Variants in MKLN1 observed in about 807,000 individuals in gnomAD.
MKLN1 encodes the protein muskelin 1, also known as muskelin.
Under a neutral mutation model 99.0 loss-of-function variants are expected in MKLN1, and 18 were observed. The observed-to-expected ratio is 0.18, with a 90% CI of 0.13 to 0.27. MKLN1 has a LOEUF of 0.27. MKLN1 is among the 10% of genes least tolerant of loss of function. The probability of loss-of-function intolerance (pLI) is 1.00; values close to 1 mark genes in which losing one functional copy is unlikely to be tolerated. For missense variants in MKLN1, 621 were observed against 875.9 expected, an observed-to-expected ratio of 0.71 and a Z score of 3.67; for synonymous variants, 288 against 293.2, an observed-to-expected ratio of 0.98 and a Z score of 0.18.
At chr7:131,473,907 A>G (rs1041833621) in intron 16 of MKLN1, among the ~76,000 whole-genome samples, 13 of 152,172 alleles carry the variant, frequency 8.5e-5, no homozygotes, top group African/African-American at 3.1e-4. Context: ...CCCGCACTTC[A>G]GGAGGCTGAG....
chr7:131,403,013 A>G (rs1277989925), intron 6 of MKLN1, among the ~76,000 whole-genome samples: 3 of 152,108 alleles, frequency 2.0e-5, no homozygotes, highest in Admixed American at 6.6e-5. Flanking sequence ...CTATCCTTTA[A>G]AGCTTTGAAG....
chr7:131,464,468 A>G (rs1412128502), intron 14 of MKLN1, 60 bp downstream of exon 14: 4 of 927,524 alleles, frequency 4.3e-6, no homozygotes, highest in Non-Finnish European at 6.8e-6. Context: ...ACAATCCCCA[A>G]ATATATCTTT....
At chr7:131,355,567 T>TTATATCTTC (rs1799847628) in intron 1 of MKLN1, among the ~76,000 whole-genome samples, 1 of 151,284 alleles carries the variant, frequency 6.6e-6, no homozygotes, top group Admixed American at 6.6e-5. Context: ...TTCTCTTGCA[T>TTATATCTTC]TATATCTTCT....
intron 3 of MKLN1, among the ~76,000 whole-genome samples, chr7:131,315,039 C>T (rs1402783943): frequency 6.6e-6 from 1 of 152,242 alleles, no homozygotes; most frequent in East Asian, 1.9e-4. Flanking sequence ...GCTGGGATTA[C>T]AGACATCAGC....
At chr7:131,210,057 A>G (rs1051920528) in intron 3 of MKLN1, among the ~76,000 whole-genome samples, 9 of 152,256 alleles carry the variant, frequency 5.9e-5, no homozygotes, top group African/African-American at 1.9e-4. Flanking sequence ...ATTTGTTTAA[A>G]TCTTGTTGTT....
intron 16 of MKLN1, 53 bp from the exon 17 acceptor site, chr7:131,478,570 C>T (rs1392184521): frequency 1.4e-6 from 2 of 1,468,056 alleles, no homozygotes; most frequent in East Asian, 2.4e-5. Context: ...TCCTTCAGTG[C>T]ACTTAGCCAG....
chr7:131,193,896 G>A (rs1366480262), intron 2 of MKLN1, among the ~76,000 whole-genome samples: 2 of 151,594 alleles, frequency 1.3e-5, no homozygotes, highest in South Asian at 2.1e-4. Context: ...CCAAAATGCC[G>A]GGATTATAAG....
At chr7:131,477,017 A>G (rs1156934124) in intron 16 of MKLN1, among the ~76,000 whole-genome samples, 3 of 152,212 alleles carry the variant, frequency 2.0e-5, no homozygotes, top group Non-Finnish European at 2.9e-5. Flanking sequence ...GAATAACTGG[A>G]TATCTCAAAC....
At chr7:131,204,658 C>T (rs922470029) in intron 3 of MKLN1, among the ~76,000 whole-genome samples, 80 of 149,088 alleles carry the variant, frequency 5.4e-4, no homozygotes, top group African/African-American at 1.6e-3. Context: ...GGTGGAACCC[C>T]GTCTCTATTA....
At chr7:131,144,940 G>C (rs547890102) in intron 2 of MKLN1, among the ~76,000 whole-genome samples, 6 of 152,210 alleles carry the variant, frequency 3.9e-5, no homozygotes, top group African/African-American at 1.4e-4. Flanking sequence ...TTGCACCATT[G>C]CACTCCAGCC....
At chr7:131,148,894 G>A (rs772203856) in intron 2 of MKLN1, among the ~76,000 whole-genome samples, 64 of 152,184 alleles carry the variant, frequency 4.2e-4, no homozygotes, top group Admixed American at 3.0e-3. Flanking sequence ...GAATGAAGGA[G>A]TTTCCTTCTT....
intron 8 of MKLN1, among the ~76,000 whole-genome samples, chr7:131,422,758 GC>G (rs1472089209): frequency 9.3e-5 from 14 of 150,100 alleles, no homozygotes; most frequent in Admixed American, 2.0e-4. Context: ...TTCCCATATT[GC>G]TGTCTTCTCT....
At chr7:131,418,446 G>A (rs1233758037) in intron 8 of MKLN1, among the ~76,000 whole-genome samples, 1 of 149,562 alleles carries the variant, frequency 6.7e-6, no homozygotes, top group Non-Finnish European at 1.5e-5. Flanking sequence ...CACATTGGAA[G>A]AAGAATTGTC....
intron 3 of MKLN1, among the ~76,000 whole-genome samples, chr7:131,269,103 C>T (rs1797849304): frequency 6.6e-6 from 1 of 152,208 alleles, no homozygotes; most frequent in South Asian, 2.1e-4. Context: ...TCTGGCAAGT[C>T]ATCTGCCCAA....
chr7:131,477,168 A>G (rs1796990126), intron 16 of MKLN1, among the ~76,000 whole-genome samples: 1 of 152,224 alleles, frequency 6.6e-6, no homozygotes, highest in African/African-American at 2.4e-5. Context: ...TTGGACATGA[A>G]CTAAAGGCAG....
intron 1 of MKLN1, among the ~76,000 whole-genome samples, chr7:131,360,940 A>AT (rs1179123892): frequency 3.3e-5 from 5 of 151,604 alleles, no homozygotes; most frequent in Admixed American, 2.0e-4. Flanking sequence ...TTTTGTTTTT[A>AT]TTTTTTTCCC....
chr7:131,415,456 G>C (rs993562987), intron 8 of MKLN1, among the ~76,000 whole-genome samples: 5 of 151,882 alleles, frequency 3.3e-5, no homozygotes, highest in Non-Finnish European at 1.5e-5. Context: ...GAATAAAAAT[G>C]GTTACAATGT....
chr7:131,286,977 C>T (rs569251489), intron 3 of MKLN1, among the ~76,000 whole-genome samples: 1 of 152,292 alleles, frequency 6.6e-6, no homozygotes, highest in African/African-American at 2.4e-5. Context: ...GTGGTGCACA[C>T]CTGTGGCCCA....
At chr7:131,463,054 C>G (rs1796561573) in intron 12 of MKLN1, among the ~76,000 whole-genome samples, 163 bp from the exon 13 acceptor site, 1 of 151,976 alleles carries the variant, frequency 6.6e-6, no homozygotes, top group Non-Finnish European at 1.5e-5. Flanking sequence ...CCCAGGAGTT[C>G]TAGGCTGCAG....
Sources: allele counts gnomAD v4.1 joint callset (sites outside exome capture counted in the v4.1 genomes callset), GRCh38; gene constraint gnomAD v4.1.1; transcripts MANE v1.5; gene names NCBI Gene and HGNC (gene_info 2026-07-23, HGNC 2026-07-21).